The following FAM53A variants were observed in gnomAD, a reference collection of about 807,000 sequenced individuals.
FAM53A encodes family with sequence similarity 53 member A.
A neutral mutation model predicts 26.6 loss-of-function variants in FAM53A; 28 were observed. The ratio of observed to expected loss-of-function variants is 1.05; its 90% CI spans 0.78 to 1.45. FAM53A has a LOEUF of 1.45. FAM53A is among the 40% of genes most tolerant of loss of function. The pLI, the probability that FAM53A is intolerant of heterozygous loss-of-function variation, is 0.00. For missense variants in FAM53A, 650 were observed against 575.8 expected (o/e 1.13, Z -1.32); for synonymous variants, 290 against 253.1 (o/e 1.15, Z -1.38).
At chr4:1,677,810 T>C (rs1715144966) in intron 1 of FAM53A, among the ~76,000 whole-genome samples, 1 of 152,148 alleles carries the variant, frequency 6.6e-6, no homozygotes, top group South Asian at 2.1e-4. Flanking sequence ...CCGAGCGTGG[T>C]AGCAGGCGCC....
intron 2 of FAM53A, among the ~76,000 whole-genome samples, chr4:1,664,148 G>T (rs914026914): frequency 6.6e-6 from 1 of 152,232 alleles, no homozygotes; most frequent in African/African-American, 2.4e-5. Context: ...AATGCTGACC[G>T]GATAGAGATA....
rs781577158 is a variant in FAM53A, at chr4:1,630,419, G to A, written c.432-12308C>T. 1.2e-4 allele frequency among the ~76,000 whole-genome samples: 19 copies of A among 152,248 alleles called. No homozygotes were observed. The highest frequency in any genetic ancestry group is 2.4e-4 in the Non-Finnish European group (16 of 68,048). ...TCGGGGAGTTCCCATCAAACTCTAC[G>A]GAAACAGGCCGCGTCTGTATGTGGC... On this transcript the variant is annotated intron_variant, in intron 1 of 1. Coordinates refer to the FAM53A transcript ENST00000489029. This position sits in a 1 kb window ranked among gnomAD's most constrained non-coding sequence, Gnocchi z 4.3.
chr4:1,626,128 T>TG (rs1715290289), intron 1 of FAM53A, among the ~76,000 whole-genome samples: 1 of 152,150 alleles, frequency 6.6e-6, no homozygotes, highest in African/African-American at 2.4e-5. Context: ...ATCTGGCTCC[T>TG]GGATGACCCT....
At chr4:1,601,114 G>A in the FAM53A span, among the ~76,000 whole-genome samples, 1 of 152,172 alleles carries the variant, frequency 6.6e-6, no homozygotes, top group Non-Finnish European at 1.5e-5. Flanking sequence ...GTGGAGGTGG[G>A]GGTGGGGGTT....
intron 2 of FAM53A, among the ~76,000 whole-genome samples, chr4:1,666,225 CT>C (rs1247953903): frequency 7.1e-6 from 1 of 141,172 alleles, no homozygotes; most frequent in Non-Finnish European, 1.5e-5. Context: ...CCTGCACCCC[CT>C]GTATCTAAAA....
intron 1 of FAM53A, among the ~76,000 whole-genome samples, chr4:1,621,909 T>G (rs142945789): frequency 6.6e-6 from 1 of 152,224 alleles, no homozygotes; most frequent in Non-Finnish European, 1.5e-5. Context: ...AGTGGTGGTG[T>G]GGGGAGGTGG....
intron 4 of FAM53A, among the ~76,000 whole-genome samples, chr4:1,652,403 CCAGA>C (rs1463034457): frequency 1.7e-5 from 2 of 117,540 alleles, no homozygotes; most frequent in African/African-American, 5.9e-5. Flanking sequence ...ACCACACACA[CCAGA>C]CACACACACG....
chr4:1,674,902 C>G (rs571930211), intron 1 of FAM53A, among the ~76,000 whole-genome samples: 43 of 152,292 alleles, frequency 2.8e-4, no homozygotes, highest in African/African-American at 1.0e-3. Flanking sequence ...AGGCCAGTCT[C>G]CAGTCTGCGT....
chr4:1,606,687 A>AC, the FAM53A span, among the ~76,000 whole-genome samples: 50 of 151,986 alleles, frequency 3.3e-4, 1 homozygote, highest in Non-Finnish European at 1.2e-4. Context: ...ACATTGAAGA[A>AC]CCCCCTTCCT....
chr4:1,667,666 G>A (rs2108994120), intron 2 of FAM53A, among the ~76,000 whole-genome samples: 1 of 152,184 alleles, frequency 6.6e-6, no homozygotes, highest in South Asian at 2.1e-4. Context: ...CCAGTCCAAA[G>A]GCCCGAGACC....
At chr4:1,616,866 G>A (rs779424868), downstream of FAM53A, among the ~76,000 whole-genome samples, 4 of 152,220 alleles carry the variant, frequency 2.6e-5, no homozygotes, top group African/African-American at 7.2e-5. Context: ...GCTGGGCACC[G>A]TGGCTCATGC....
the FAM53A span, among the ~76,000 whole-genome samples, chr4:1,596,731 C>G: frequency 1.3e-5 from 2 of 152,188 alleles, no homozygotes; most frequent in Non-Finnish European, 2.9e-5. Context: ...TCCAGATTCC[C>G]AACTGTACTT....
downstream of FAM53A, among the ~76,000 whole-genome samples, chr4:1,635,615 C>G (rs564990498): frequency 6.6e-6 from 1 of 152,168 alleles, no homozygotes; most frequent in Non-Finnish European, 1.5e-5. Context: ...TCACTGAGGA[C>G]TGTAAATTCC....
At chr4:1,582,447 C>T in the FAM53A span, among the ~76,000 whole-genome samples, 1 of 152,230 alleles carries the variant, frequency 6.6e-6, no homozygotes, top group Admixed American at 6.5e-5. Context: ...GCCACCTACA[C>T]AGACCCAAGA....
rs1378745355 is a variant in FAM53A at position 1,640,333 on chromosome 4, C to T, written c.*960G>A. The T allele has an allele frequency of 4.6e-6, 1 of 217,406 alleles. No homozygotes were observed. Among genetic ancestry groups the T allele is most frequent in the African/African-American group, 2.5e-5 (1 of 39,958 alleles). 13.5% of individuals were successfully genotyped at this position (217,406 alleles called of 1,614,324 possible). Reference sequence around the variant, plus strand: ...ATGCGCAAGCCCCAAGCACCGTGACCCGTCGGGAGGGGGGGACACACGGGG... The same window carrying T: ...ATGCGCAAGCCCCAAGCACCGTGACTCGTCGGGAGGGGGGGACACACGGGG... On this transcript the variant is annotated 3_prime_UTR_variant, in exon 5 of 5. Transcript: ENST00000308132.
the FAM53A span, among the ~76,000 whole-genome samples, chr4:1,595,479 T>C: frequency 6.6e-6 from 1 of 152,124 alleles, no homozygotes; most frequent in Non-Finnish European, 1.5e-5. Flanking sequence ...TTGGTGGTGC[T>C]GGGCACATCA....
At chr4:1,664,353 C>T (rs543851760) in intron 2 of FAM53A, among the ~76,000 whole-genome samples, 1 of 152,274 alleles carries the variant, frequency 6.6e-6, no homozygotes, top group African/African-American at 2.4e-5. Context: ...GCGCCCGCCT[C>T]GCTTGCTCAC....
At chr4:1,621,101 C>CTTTTTTATTTTTTTTTTTT (rs1715010921) in intron 1 of FAM53A, among the ~76,000 whole-genome samples, 1 of 95,488 alleles carries the variant, frequency 1.0e-5, no homozygotes, top group African/African-American at 4.1e-5. Flanking sequence ...AGCTACGCTA[C>CTTTTTTATTTTTTTTTTTT]TTTTTTTTTT....
In FAM53A at chr4:1,655,587, C is replaced by T. The variant is rs1316656959; in HGVS notation, c.273G>A (p.Pro91=). The change falls in exon 4 of 5, where the codon CCG becomes CCA. Residue 91 remains proline (P), a synonymous_variant. Transcript: ENST00000308132. ...CTGCACCCAGGCCTGCGCCTGGGCG[C>T]GGGGACTGTGGCTGCCACTGAAGAC... ...TMGLQWQPQS[P]RPGAGLGAAS... is the part of the protein sequence containing the mutation. 2.5e-5 allele frequency: 40 copies of T among 1,585,008 alleles called. No homozygotes were observed. The highest frequency in any genetic ancestry group is 1.7e-4 in the Middle Eastern group (1 of 5,974).
Sources: allele counts gnomAD v4.1 joint callset (sites outside exome capture counted in the v4.1 genomes callset), GRCh38; gene constraint gnomAD v4.1.1; non-coding constraint Gnocchi (gnomAD v3.1); transcripts MANE v1.5; gene names NCBI Gene and HGNC (gene_info 2026-07-23, HGNC 2026-07-21).